Variants in SLC9A9 observed in about 807,000 individuals in gnomAD.
SLC9A9 encodes the protein solute carrier family 9 member A9.
Under a neutral mutation model 77.8 loss-of-function variants are expected in SLC9A9, and 62 were observed. The observed-to-expected ratio is 0.80, with a 90% CI of 0.65 to 0.98. The LOEUF (loss-of-function observed/expected upper bound fraction) is 0.98, where lower values mean the gene tolerates loss of function less well. Among genes scored for constraint, SLC9A9 ranks in the 50% least tolerant of loss-of-function variants. The pLI is 0.00. For synonymous variants in SLC9A9, 320 were observed against 283.5 expected (o/e 1.13, Z -1.29); for missense variants, 775 against 774.9 (o/e 1.00, Z 0.00).
chr3:143,664,082 A>C (rs1576643404), intron 5 of SLC9A9, among the ~76,000 whole-genome samples: 1 of 152,134 alleles, frequency 6.6e-6, no homozygotes, highest in Admixed American at 6.5e-5. Context: ...GCCAGAGAGA[A>C]AGGTCAGGTT....
rs1933531765 is a variant in SLC9A9 at position 143,693,262 on chromosome 3, C to T, written c.579G>A (p.Gln193=). 6.2e-7 allele frequency: 1 copy of T among 1,613,232 alleles called. No homozygotes were observed. The highest frequency in any genetic ancestry group is 8.5e-7 in the Non-Finnish European group (1 of 1,179,568). Residue 193 remains glutamine, a synonymous_variant, in exon 5 of 16, where the codon CAG becomes CAA. Coordinates refer to ENST00000316549, the MANE Select transcript of SLC9A9 (RefSeq NM_173653.4). The part of the protein sequence containing the change: ...GFVKAMIHAG[Q]LKNGDFHFTD... Reference sequence around the variant, plus strand: ...TGAAATGAAAGTCTCCATTTTTCAGCTGGCCAGCATGTATCATAGCCTTCA... The same window carrying T: ...TGAAATGAAAGTCTCCATTTTTCAGTTGGCCAGCATGTATCATAGCCTTCA...
intron 6 of SLC9A9, among the ~76,000 whole-genome samples, chr3:143,600,823 C>T (rs1473666277): frequency 6.6e-6 from 1 of 152,224 alleles, no homozygotes; most frequent in East Asian, 1.9e-4. Flanking sequence ...TTTTCAACTA[C>T]TTCAAATCCT....
intron 5 of SLC9A9, among the ~76,000 whole-genome samples, chr3:143,664,010 C>A (rs182848595): frequency 1.0e-3 from 152 of 152,154 alleles, no homozygotes; most frequent in African/African-American, 3.4e-3. Flanking sequence ...AGAAGACCAA[C>A]CCCGAGACAC....
At chr3:143,798,080 A>T (rs2008438867) in intron 2 of SLC9A9, among the ~76,000 whole-genome samples, 1 of 152,140 alleles carries the variant, frequency 6.6e-6, no homozygotes. Flanking sequence ...CACCAATTTT[A>T]AATCCGGTAA....
At chr3:143,319,066 CAG>C (rs2031323748) in intron 14 of SLC9A9, among the ~76,000 whole-genome samples, 2 of 152,296 alleles carry the variant, frequency 1.3e-5, no homozygotes, top group South Asian at 2.1e-4. Flanking sequence ...GTAAAGATAA[CAG>C]AAATTGCCAC....
chr3:143,359,380 C>T lies in SLC9A9; in HGVS notation c.1604+4104G>A, dbSNP rs983912103. Among the ~76,000 whole-genome samples the T allele has an allele frequency of 2.0e-5, 3 of 151,874 alleles. 1 individual carries two copies. The highest frequency in any genetic ancestry group is 4.2e-4 in the South Asian group (2 of 4,802). The stretch of plus-strand genomic sequence containing the variant: ...CATTCTGTGTCGGGTGGTGGTTAAG[C>T]GTTATGGTGAAAAAAATAAAGCAGG... On this transcript the variant is annotated intron_variant, in intron 14 of 15. Transcript: ENST00000316549.
At chr3:143,721,436 C>T (rs1012552355) in intron 4 of SLC9A9, among the ~76,000 whole-genome samples, 4 of 151,836 alleles carry the variant, frequency 2.6e-5, no homozygotes, top group Non-Finnish European at 5.9e-5. Context: ...ATAAACACTT[C>T]GAAGTGCTGA....
intron 4 of SLC9A9, among the ~76,000 whole-genome samples, chr3:143,713,476 T>C (rs1055137821): frequency 6.6e-6 from 1 of 152,162 alleles, no homozygotes; most frequent in African/African-American, 2.4e-5. Flanking sequence ...GGATTTAATC[T>C]ATGTTGCTCT....
At chr3:143,463,507 C>T (rs2035232411) in intron 12 of SLC9A9, among the ~76,000 whole-genome samples, 7 of 152,154 alleles carry the variant, frequency 4.6e-5, no homozygotes, top group Admixed American at 3.3e-4. Flanking sequence ...CACCTTTGGT[C>T]TTTTTTGTTT....
At chr3:143,636,352 G>A (rs1372541092) in intron 6 of SLC9A9, among the ~76,000 whole-genome samples, 1 of 152,174 alleles carries the variant, frequency 6.6e-6, no homozygotes, top group Non-Finnish European at 1.5e-5. Context: ...TCAATCATCT[G>A]TCTAGCCAGA....
intron 9 of SLC9A9, among the ~76,000 whole-genome samples, chr3:143,501,711 T>C (rs1355282713): frequency 2.0e-5 from 3 of 151,082 alleles, no homozygotes; most frequent in Non-Finnish European, 4.4e-5. Context: ...GCAACAGTAC[T>C]GATTAGCACT....
chr3:143,721,031 A>G (rs910523121), intron 4 of SLC9A9, among the ~76,000 whole-genome samples: 1 of 152,230 alleles, frequency 6.6e-6, no homozygotes, highest in African/African-American at 2.4e-5. Context: ...CAACATAGTG[A>G]GACCTTGTCT....
chr3:143,846,399 A>G (rs1053156545), intron 1 of SLC9A9, among the ~76,000 whole-genome samples: 1 of 152,216 alleles, frequency 6.6e-6, no homozygotes, highest in Admixed American at 6.5e-5. Context: ...CTTATTAGTC[A>G]AGTCAAGAGA....
chr3:143,722,055 A>G (rs1170277698), intron 4 of SLC9A9, among the ~76,000 whole-genome samples: 2 of 152,176 alleles, frequency 1.3e-5, no homozygotes, highest in Non-Finnish European at 2.9e-5. Context: ...AGCAGTCAGT[A>G]TCTGTTAAAT....
At chr3:143,840,969 C>T (rs540441948) in intron 1 of SLC9A9, among the ~76,000 whole-genome samples, 1 of 152,210 alleles carries the variant, frequency 6.6e-6, no homozygotes, top group East Asian at 1.9e-4. Context: ...ATCTCAATCT[C>T]TACCTCTCTT....
intron 6 of SLC9A9, among the ~76,000 whole-genome samples, chr3:143,580,406 T>G (rs2037433120): frequency 6.6e-6 from 1 of 152,202 alleles, no homozygotes; most frequent in South Asian, 2.1e-4. Flanking sequence ...GGCTTTATCC[T>G]TCTCTCCACC....
chr3:143,522,489 GCT>G (rs1251732710), intron 9 of SLC9A9, among the ~76,000 whole-genome samples: 1 of 152,074 alleles, frequency 6.6e-6, no homozygotes, highest in East Asian at 1.9e-4. Flanking sequence ...GTTGGTCCCA[GCT>G]CTTTTTCCAT....
chr3:143,707,773 G>A (rs1934025440), intron 4 of SLC9A9, among the ~76,000 whole-genome samples: 1 of 152,168 alleles, frequency 6.6e-6, no homozygotes, highest in Non-Finnish European at 1.5e-5. Flanking sequence ...CCACCAGGTT[G>A]TTTTAAGAAC....
intron 12 of SLC9A9, among the ~76,000 whole-genome samples, chr3:143,389,218 G>A (rs536382510): frequency 5.7e-4 from 87 of 152,258 alleles, no homozygotes; most frequent in African/African-American, 2.0e-3. Flanking sequence ...GGTATACATT[G>A]TGATATTAAG....
Sources: gnomAD v4.1 joint callset for allele counts (sites outside exome capture counted in the v4.1 genomes callset) on GRCh38, gnomAD v4.1.1 for gene constraint, MANE v1.5 for transcripts, NCBI Gene and HGNC (gene_info 2026-07-23, HGNC 2026-07-21) for gene names.